RALGPS2: variants seen among roughly 807,000 people sequenced by gnomAD.
The protein encoded by RALGPS2 is Ral GEF with PH domain and SH3 binding motif 2, also known as ras-specific guanine nucleotide-releasing factor RalGPS2.
RALGPS2 carries 43 observed loss-of-function variants against 86.8 expected under a neutral mutation model. The observed-to-expected ratio is 0.50, with a 90% CI of 0.39 to 0.64. The LOEUF is 0.64. Among genes scored for constraint, RALGPS2 ranks in the 30% least tolerant of loss-of-function variants. The pLI, the probability that RALGPS2 is intolerant of heterozygous loss-of-function variation, is 0.00. For missense variants in RALGPS2, 536 were observed against 694.6 expected (o/e 0.77, Z 2.57); for synonymous variants, 243 against 231.3 (o/e 1.05, Z -0.46).
chr1:178,798,235 G>A (rs1003339342), intron 4 of RALGPS2, among the ~76,000 whole-genome samples: 1 of 152,132 alleles, frequency 6.6e-6, no homozygotes, highest in Non-Finnish European at 1.5e-5. Flanking sequence ...AGTCATAACT[G>A]CATAAAATTA....
intron 1 of RALGPS2, among the ~76,000 whole-genome samples, chr1:178,760,252 T>A (rs1652168127): frequency 1.3e-5 from 2 of 152,194 alleles, no homozygotes; most frequent in Non-Finnish European, 2.9e-5. Context: ...ATTTGTTAGG[T>A]TTTTGCCTCA....
At chr1:178,890,416 G>A (rs181207829) in intron 14 of RALGPS2, among the ~76,000 whole-genome samples, 186 of 151,908 alleles carry the variant, frequency 1.2e-3, no homozygotes, top group Non-Finnish European at 1.7e-3. Flanking sequence ...TTTGGCTTTT[G>A]ACCAAAACAA....
At chr1:178,763,449 C>G (rs1424674889) in intron 1 of RALGPS2, among the ~76,000 whole-genome samples, 1 of 152,140 alleles carries the variant, frequency 6.6e-6, no homozygotes, top group East Asian at 1.9e-4. Flanking sequence ...TGGCCATTGG[C>G]CAAACAATAT....
Position 178,817,124 on chromosome 1 carries a change from C to T in RALGPS2, c.388-4488C>T, listed in dbSNP as rs543321999. ...CCTATAATCCTAGCACTTTGGGAGG[C>T]TGAGGCGGGCAGATCACTTGAGGTC... On this transcript the variant is annotated intron_variant, in intron 6 of 19. Transcript: ENST00000367635. Among the ~76,000 whole-genome samples the T allele has an allele frequency of 3.3e-4, 50 of 151,730 alleles. No homozygotes were observed. In the Middle Eastern group the frequency reaches 0.01, roughly 31 times the overall value.
intron 7 of RALGPS2, among the ~76,000 whole-genome samples, chr1:178,828,660 T>C (rs567945909): frequency 2.2e-4 from 33 of 152,296 alleles, no homozygotes; most frequent in Admixed American, 6.5e-4. Flanking sequence ...CCCACAGGTA[T>C]ATCAAAAGGT....
chr1:178,853,805 T>C, intron 8 of RALGPS2: 3 of 1,526,654 alleles, frequency 2.0e-6, no homozygotes, highest in Non-Finnish European at 2.6e-6. Flanking sequence ...TTAAATATCA[T>C]TTATTATCAG....
intron 9 of RALGPS2, 82 bp from the exon 10 acceptor site, chr1:178,878,820 C>G: frequency 1.3e-6 from 2 of 1,542,824 alleles, no homozygotes; most frequent in Non-Finnish European, 8.7e-7. Flanking sequence ...CTTAATTTAC[C>G]TTTAAGTTAT....
At chr1:178,819,249 G>A (rs7519150) in intron 6 of RALGPS2, among the ~76,000 whole-genome samples, 2 of 151,996 alleles carry the variant, frequency 1.3e-5, no homozygotes, top group South Asian at 2.1e-4. Context: ...TGCCTCAGCC[G>A]CCGGAAGTGC....
At position 178,878,882 on chromosome 1, in the gene RALGPS2, A is replaced by G. The variant is rs539066195; in HGVS notation, c.746-20A>G. On this transcript the variant is annotated intron_variant, in intron 9 of 19. Transcript: ENST00000367635. ...TTAAGATGTACTTTATCAGATAATT[A>G]TTTATCACCTTTTGCCTAGATATTC... The G allele has an allele frequency of 1.9e-6, 3 of 1,610,432 alleles. No individual in the cohort carries two copies. Among genetic ancestry groups the G allele is most frequent in the Non-Finnish European group, 1.7e-6 (2 of 1,178,670 alleles).
intron 1 of RALGPS2, among the ~76,000 whole-genome samples, chr1:178,766,634 C>G (rs1020679538): frequency 1.3e-5 from 2 of 152,124 alleles, no homozygotes; most frequent in South Asian, 4.1e-4. Context: ...TGATGGGGTT[C>G]CCTTTTTAGA....
At chr1:178,771,168 T>A (rs1388162315) in intron 1 of RALGPS2, among the ~76,000 whole-genome samples, 1 of 152,174 alleles carries the variant, frequency 6.6e-6, no homozygotes, top group Non-Finnish European at 1.5e-5. Context: ...TACAGGAAAT[T>A]GTCACATTTA....
At position 178,791,024 on chromosome 1, in the gene RALGPS2, C is replaced by T. The variant is rs370592642; in HGVS notation, c.213+5417C>T. ...AGTAAATTAATTTTATGTTTGTGTCCATTATATCAATATTCAGGTCTCTAC... is the reference window on the plus strand; with the variant it reads ...AGTAAATTAATTTTATGTTTGTGTCTATTATATCAATATTCAGGTCTCTAC... On this transcript the variant is annotated intron_variant, in intron 4 of 19. Coordinates refer to ENST00000367635, the MANE Select transcript of RALGPS2 (RefSeq NM_152663.5). Among the ~76,000 whole-genome samples, 14 of 151,986 alleles carry T rather than the reference C, an allele frequency of 9.2e-5. No individual in the cohort carries two copies. The East Asian group carries it at 1.9e-3, about 21-fold the overall frequency.
At chr1:178,839,568 G>T (rs981451644) in intron 8 of RALGPS2, among the ~76,000 whole-genome samples, 3 of 152,084 alleles carry the variant, frequency 2.0e-5, no homozygotes, top group Non-Finnish European at 4.4e-5. Flanking sequence ...ATGCCAAATT[G>T]TAGAGACCAT....
chr1:178,849,401 A>G (rs554575106), intron 8 of RALGPS2, among the ~76,000 whole-genome samples: 1 of 152,330 alleles, frequency 6.6e-6, no homozygotes, highest in Non-Finnish European at 1.5e-5. Context: ...GCAGTTTAGC[A>G]TTCAGCCTAG....
At chr1:178,896,751 G>T (rs1659964685) in intron 16 of RALGPS2, among the ~76,000 whole-genome samples, 1 of 147,412 alleles carries the variant, frequency 6.8e-6, no homozygotes, top group Non-Finnish European at 1.5e-5. Context: ...TGAGAATGAT[G>T]ATTTCCAATT....
chr1:178,736,563 T>C (rs544439775), intron 1 of RALGPS2, among the ~76,000 whole-genome samples: 5 of 152,230 alleles, frequency 3.3e-5, no homozygotes, highest in African/African-American at 4.8e-5. Flanking sequence ...CCCATTCTTT[T>C]TGCTCAATCT....
At chr1:178,772,183 C>T (rs1438247234) in intron 1 of RALGPS2, among the ~76,000 whole-genome samples, 1 of 152,176 alleles carries the variant, frequency 6.6e-6, no homozygotes, top group South Asian at 2.1e-4. Flanking sequence ...TTCTGATTCA[C>T]TTGGGTTGTT....
At chr1:178,840,787 AACAGAC>A (rs1656565073) in intron 8 of RALGPS2, among the ~76,000 whole-genome samples, 1 of 152,170 alleles carries the variant, frequency 6.6e-6, no homozygotes, top group Non-Finnish European at 1.5e-5. Flanking sequence ...GGAGGAATCA[AACAGAC>A]ACAATAAAAA....
intron 1 of RALGPS2, among the ~76,000 whole-genome samples, chr1:178,731,595 T>G (rs1650367936): frequency 6.6e-6 from 1 of 152,148 alleles, no homozygotes; most frequent in Non-Finnish European, 1.5e-5. Flanking sequence ...ATTTTCTAGT[T>G]TGAAGTGGTT....
Sources: gnomAD v4.1 joint callset for allele counts (sites outside exome capture counted in the v4.1 genomes callset) on GRCh38, gnomAD v4.1.1 for gene constraint, MANE v1.5 for transcripts, NCBI Gene and HGNC (gene_info 2026-07-23, HGNC 2026-07-21) for gene names.